NAF1: variants seen among roughly 807,000 people sequenced by gnomAD.
NAF1 encodes nuclear assembly factor 1 ribonucleoprotein, also known as H/ACA ribonucleoprotein complex non-core subunit NAF1.
A neutral mutation model predicts 40.6 loss-of-function variants in NAF1; 11 were observed. The observed-to-expected ratio is 0.27, with a 90% CI of 0.17 to 0.45. The LOEUF is 0.45. NAF1 is among the 20% of genes least tolerant of loss of function. NAF1 has a pLI of 1.00. For missense variants in NAF1, 607 were observed against 611.1 expected (o/e 0.99, Z 0.07); for synonymous variants, 260 against 228.5 (o/e 1.14, Z -1.24).
chr4:163,156,246 T>C (rs1731981235), intron 2 of NAF1, among the ~76,000 whole-genome samples: 1 of 116,312 alleles, frequency 8.6e-6, no homozygotes, highest in African/African-American at 2.8e-5. Context: ...AAGAATTAGA[T>C]GTAAAAGGCA....
At chr4:163,127,220 C>T, downstream of NAF1, 1 of 1,367,468 alleles carries the variant, frequency 7.3e-7, no homozygotes, top group Non-Finnish European at 9.5e-7. Flanking sequence ...ACCTCTGCCT[C>T]CCAGGTTCAA....
Position 163,164,384 on chromosome 4 carries a change from C to G in NAF1, c.373G>C (p.Asp125His). ...DSDSDSDSET[D>H]SDSSSSSSSS... is the part of the protein sequence containing the mutation. ...GACGATGAACTTGAACTATCTGAAT[C>G]TGTTTCACTGTAGGGAAGAAAACAG... Residue 125 changes from aspartate (D) to histidine (H), a missense_variant, in exon 2 of 8, where the codon GAT (aspartate) becomes CAT (histidine). By Grantham distance (81) the Asp-to-His change is moderately conservative (BLOSUM62 -1). Transcript: ENST00000274054. 1.3e-6 allele frequency: 2 copies of G among 1,561,650 alleles called. No homozygotes were observed. Among genetic ancestry groups the G allele is most frequent in the Non-Finnish European group, 1.7e-6 (2 of 1,155,796 alleles).
chr4:163,118,908 T>C (rs1326913535), intron 2 of NAF1, among the ~76,000 whole-genome samples: 1 of 152,240 alleles, frequency 6.6e-6, no homozygotes, highest in Admixed American at 6.5e-5. Flanking sequence ...TAGAACTCTA[T>C]GAGAACTAAC....
chr4:163,114,475 G>A (rs1227476874), intron 2 of NAF1, among the ~76,000 whole-genome samples: 1 of 152,230 alleles, frequency 6.6e-6, no homozygotes, highest in Non-Finnish European at 1.5e-5. Context: ...TTACACAGGA[G>A]TGGGAGTGCC....
At chr4:163,133,410 A>C (rs780193954) in intron 6 of NAF1, 154 bp from the exon 7 acceptor site, 50 of 561,348 alleles carry the variant, frequency 8.9e-5, no homozygotes, top group Non-Finnish European at 1.3e-4. Flanking sequence ...TCTGAATTAG[A>C]CATGGTATAA....
chr4:163,145,105 T>A (rs945499787), intron 4 of NAF1, among the ~76,000 whole-genome samples: 15 of 152,222 alleles, frequency 9.9e-5, no homozygotes, highest in African/African-American at 3.6e-4. Flanking sequence ...GTATTTACAT[T>A]CTTGATTTTA....
At position 163,141,170 on chromosome 4, in the gene NAF1, G is replaced by C. The variant is rs544398841; in HGVS notation, c.718-787C>G. On this transcript the variant is annotated intron_variant, in intron 4 of 7. Coordinates refer to ENST00000274054, the MANE Select transcript of NAF1 (RefSeq NM_138386.3). ...ACCTGAGGTCAGGGGTTCAAGACCA[G>C]CCTGGCCAACATAGTGAAACTCTGT... is the stretch of plus-strand genomic sequence containing the variant. Among the ~76,000 whole-genome samples, 13 of 152,228 alleles carry C rather than the reference G, an allele frequency of 8.5e-5. No homozygotes were observed. In the South Asian group the frequency reaches 2.7e-3, roughly 32 times the overall value.
In NAF1 at chr4:163,137,091, G is replaced by A. The variant is rs921084235; in HGVS notation, c.930+108C>T. 7.3e-6 allele frequency: 9 copies of A among 1,227,858 alleles called. No individual in the cohort carries two copies. The African/African-American group carries it at 1.2e-4, about 16-fold the overall frequency. The allele number at this position is 1,227,858 out of a possible 1,614,324, so 76.1% of individuals were successfully genotyped here. ...GCGCTAGGACAGGATAAGGCAGTAT[G>A]GCTGCTAGCCAGTATTAATGACTTC... is the stretch of plus-strand genomic sequence containing the variant. On this transcript the variant is annotated intron_variant, in intron 6 of 7. Coordinates refer to ENST00000274054, the MANE Select transcript of NAF1 (RefSeq NM_138386.3).
At position 163,129,237 on chromosome 4, in the gene NAF1, TATCTGGCCCTGGAAA is replaced by T. The variant is rs1730775293; in HGVS notation, c.1130_1144del (p.Phe377_Arg381del). 1 of 1,613,794 alleles carries T rather than the reference TATCTGGCCCTGGAAA, an allele frequency of 6.2e-7. No homozygotes were observed. Among genetic ancestry groups the T allele is most frequent in the Non-Finnish European group, 8.5e-7 (1 of 1,179,840 alleles). On this transcript the variant is annotated inframe_deletion, in exon 8 of 8. Coordinates refer to ENST00000274054, the MANE Select transcript of NAF1 (RefSeq NM_138386.3). ...AGGCCTGCCATGGCAAGATCGAGGG[TATCTGGCCCTGGAAA>T]ATCCTCGTGTGAATTCTCTGTTACG... is the stretch of plus-strand genomic sequence containing the variant.
chr4:163,163,859 T>C (rs1732331650), intron 2 of NAF1, among the ~76,000 whole-genome samples: 1 of 151,816 alleles, frequency 6.6e-6, no homozygotes. Flanking sequence ...TTTCAATTGC[T>C]ATTGAAATTT....
intron 2 of NAF1, among the ~76,000 whole-genome samples, chr4:163,153,118 T>C (rs1183558781): frequency 6.6e-6 from 1 of 152,214 alleles, no homozygotes; most frequent in East Asian, 1.9e-4. Context: ...CCGCCATGCC[T>C]GAGCCTTCCC....
At chr4:163,143,955 A>G in intron 4 of NAF1, 1 of 828,764 alleles carries the variant, frequency 1.2e-6, no homozygotes, top group Middle Eastern at 6.2e-4. Context: ...CACTGTGTGT[A>G]TTACTGTATC....
chr4:163,134,768 A>G (rs1466330999), intron 6 of NAF1, among the ~76,000 whole-genome samples: 1 of 152,230 alleles, frequency 6.6e-6, no homozygotes, highest in African/African-American at 2.4e-5. Flanking sequence ...ACAAAAAAGA[A>G]AAATGGTTCT....
rs540560783 is a variant in NAF1, at chr4:163,133,343, A to C, written c.931-87T>G. 156 of 933,848 alleles carry C rather than the reference A, an allele frequency of 1.7e-4. 1 individual carries two copies. In the South Asian group the frequency reaches 2.4e-3, roughly 14 times the overall value. The allele number at this position is 933,848 out of a possible 1,614,324, so 57.8% of individuals were successfully genotyped here. A position where few individuals can be genotyped will look rare whatever the true frequency, so the allele number is the denominator to read the frequency against. Reference sequence around the variant, plus strand: ...ACTTGGAGGTGAAGAAAATAAGCCTATTATGCATCAATGACTCTAAAAAAA... The same window carrying C: ...ACTTGGAGGTGAAGAAAATAAGCCTCTTATGCATCAATGACTCTAAAAAAA... On this transcript the variant is annotated intron_variant, in intron 6 of 7. Coordinates refer to ENST00000274054, the MANE Select transcript of NAF1 (RefSeq NM_138386.3).
intron 5 of NAF1, 71 bp downstream of exon 5, chr4:163,140,152 C>A (rs1015319224): frequency 8.0e-6 from 10 of 1,247,804 alleles, no homozygotes; most frequent in Non-Finnish European, 1.1e-5. Flanking sequence ...TAAGAAATTA[C>A]ATCACTGAGA....
At chr4:163,120,847 T>C (rs185468234) in intron 2 of NAF1, among the ~76,000 whole-genome samples, 9 of 152,226 alleles carry the variant, frequency 5.9e-5, no homozygotes, top group Admixed American at 5.9e-4. Context: ...AAAAATGAGA[T>C]GTAATTTTAT....
chr4:163,153,582 C>A (rs1362573609), intron 2 of NAF1, among the ~76,000 whole-genome samples: 2 of 152,160 alleles, frequency 1.3e-5, no homozygotes, highest in African/African-American at 4.8e-5. Flanking sequence ...CCAATCGACA[C>A]TCTGTATCTA....
chr4:163,133,714 T>C (rs28758722), intron 6 of NAF1: 7,988 of 153,824 alleles, frequency 0.052, 266 homozygotes, highest in African/African-American at 0.073. Context: ...ATTTTTTAAA[T>C]ATAATTTTAG....
intron 2 of NAF1, among the ~76,000 whole-genome samples, chr4:163,115,101 T>C (rs1215025398): frequency 6.6e-6 from 1 of 152,094 alleles, no homozygotes; most frequent in East Asian, 1.9e-4. Flanking sequence ...TAAATAAATT[T>C]CAAAACGTAG....
Sources: gnomAD v4.1 joint callset for allele counts (sites outside exome capture counted in the v4.1 genomes callset) on GRCh38, gnomAD v4.1.1 for gene constraint, MANE v1.5 for transcripts, NCBI Gene and HGNC (gene_info 2026-07-23, HGNC 2026-07-21) for gene names.